The following STK31 variants were observed in gnomAD, a reference collection of about 807,000 sequenced individuals.
The protein encoded by STK31 is serine/threonine kinase 31, also known as serine/threonine-protein kinase 31.
STK31 carries 89 observed loss-of-function variants against 129.7 expected under a neutral mutation model. That is an observed-to-expected ratio of 0.69 (90% CI 0.58 to 0.82). STK31 has a LOEUF of 0.82. Ranked by LOEUF, STK31 falls within the 40% of genes least tolerant of loss-of-function variation. STK31 has a pLI of 0.00. For missense variants in STK31, 1,187 were observed against 1,176.4 expected, an observed-to-expected ratio of 1.01 and a Z score of -0.13; for synonymous variants, 448 against 395.3, an observed-to-expected ratio of 1.13 and a Z score of -1.58.
intron 22 of STK31, among the ~76,000 whole-genome samples, chr7:23,798,962 A>T (rs1792191741): frequency 6.6e-6 from 1 of 152,210 alleles, no homozygotes; most frequent in Admixed American, 6.5e-5. Flanking sequence ...ACAGACAAAG[A>T]GCCAAATCAT....
chr7:23,765,706 C>G (rs1789781437), intron 11 of STK31, among the ~76,000 whole-genome samples: 2 of 151,816 alleles, frequency 1.3e-5, no homozygotes, highest in African/African-American at 4.8e-5. Flanking sequence ...ACAGGCAGGC[C>G]TGGCTAATTT....
rs1432639020 is a variant in STK31 at position 23,814,161 on chromosome 7, T to TTTTTTTTTTTTTTTTTTG, written c.2761-980_2761-979insTTTTTTTTTTTTTTGTTT. Reference sequence around the variant, plus strand: ...ATCTGGCTCACTTATTTTTTTTTTTTTTTCAGTTGGGAGGGTTATAAGACA... The same window carrying TTTTTTTTTTTTTTTTTTG: ...ATCTGGCTCACTTATTTTTTTTTTTTTTTTTTTTTTTTTTTTTGTTTCAGTTGGGAGGGTTATAAGACA... On this transcript the variant is annotated intron_variant, in intron 22 of 23. Transcript: ENST00000355870. Among the ~76,000 whole-genome samples the TTTTTTTTTTTTTTTTTTG allele has an allele frequency of 2.0e-5, 3 of 147,942 alleles. 1 individual carries two copies. The highest frequency in any genetic ancestry group is 6.8e-5 in the Admixed American group (1 of 14,620).
chr7:23,806,572 C>T (rs754134338), intron 22 of STK31, among the ~76,000 whole-genome samples: 4 of 152,118 alleles, frequency 2.6e-5, no homozygotes, highest in Admixed American at 1.3e-4. Context: ...GGGAATAGAA[C>T]TCATTATTGT....
chr7:23,785,398 T>C, intron 17 of STK31, 80 bp from the exon 18 acceptor site: 1 of 1,555,402 alleles, frequency 6.4e-7, no homozygotes, highest in Non-Finnish European at 8.8e-7. Flanking sequence ...TCATTTAATA[T>C]CGTGTAACTA....
chr7:23,769,119 G>A lies in STK31; in HGVS notation c.1541G>A (p.Ser514Asn). 6.2e-7 allele frequency: 1 copy of A among 1,612,838 alleles called. No individual in the cohort carries two copies. Among genetic ancestry groups the A allele is most frequent in the Non-Finnish European group, 8.5e-7 (1 of 1,179,304 alleles). ...DKREEFTSVR[S>N]ETDASLHRLV... Reference sequence around the variant, plus strand: ...AGAGAGGAGTTCACCAGTGTTAGAAGTGAAACAGACGCTTCTCTGCACCGT... The same window carrying A: ...AGAGAGGAGTTCACCAGTGTTAGAAATGAAACAGACGCTTCTCTGCACCGT... Residue 514 changes from serine (S) to asparagine (N), a missense_variant, in exon 12 of 24, where the codon AGT becomes AAT. Transcript: ENST00000355870.
Position 23,818,592 on chromosome 7 carries a change from T to A in STK31, c.2829+3380T>A, listed in dbSNP as rs975921727. On this transcript the variant is annotated intron_variant, in intron 23 of 23. Coordinates refer to ENST00000355870, the MANE Select transcript of STK31 (RefSeq NM_031414.5). ...GCTTTTTAATACTTATAGGGCTAGT[T>A]CCTTCTTCACTGCTTTTTTGTTTTG... Among the ~76,000 whole-genome samples the A allele has an allele frequency of 1.0e-4, 15 of 147,560 alleles. 1 individual carries two copies. Among genetic ancestry groups the A allele is most frequent in the African/African-American group, 3.9e-4 (15 of 38,220 alleles).
intron 22 of STK31, among the ~76,000 whole-genome samples, chr7:23,810,171 A>G (rs138732159): frequency 9.9e-5 from 15 of 151,734 alleles, no homozygotes; most frequent in African/African-American, 3.4e-4. Flanking sequence ...TTCTGTAGTA[A>G]TTTTCTTTGC....
intron 8 of STK31, among the ~76,000 whole-genome samples, chr7:23,745,803 T>A (rs895490108): frequency 4.6e-5 from 7 of 152,170 alleles, no homozygotes; most frequent in African/African-American, 1.7e-4. Flanking sequence ...TGGGGTAGCC[T>A]TTCCTCTGGG....
intron 23 of STK31, among the ~76,000 whole-genome samples, chr7:23,831,341 C>G (rs1005438484): frequency 6.6e-6 from 1 of 151,786 alleles, no homozygotes. Context: ...TGAATTGATC[C>G]CTTTATTATT....
intron 22 of STK31, among the ~76,000 whole-genome samples, chr7:23,794,249 G>A (rs1329488464): frequency 2.0e-5 from 3 of 152,128 alleles, no homozygotes; most frequent in South Asian, 2.1e-4. Context: ...TGCAGTTCTT[G>A]TGGAAGTAAG....
chr7:23,738,876 T>C (rs1787882955), intron 8 of STK31, among the ~76,000 whole-genome samples: 3 of 152,194 alleles, frequency 2.0e-5, no homozygotes, highest in East Asian at 1.9e-4. Context: ...CAGTCTATCA[T>C]TGATGGGCAT....
Position 23,737,064 on chromosome 7 carries a change from G to A in STK31, c.1003G>A (p.Ala335Thr). The A allele has an allele frequency of 6.2e-6, 10 of 1,606,604 alleles. No individual in the cohort carries two copies. Among genetic ancestry groups the A allele is most frequent in the Non-Finnish European group, 8.5e-6 (10 of 1,178,774 alleles). ...GTTAGAATTGAAAGTAGAGCAGATTGCCCAGGAGCTGCAGGTATGTTCAGT... is the reference window on the plus strand; with the variant it reads ...GTTAGAATTGAAAGTAGAGCAGATTACCCAGGAGCTGCAGGTATGTTCAGT... ...KALELKVEQI[A>T]QELQQEKAAA... Residue 335 changes from alanine (A) to threonine (T), a missense_variant, in exon 8 of 24, where the codon GCC (alanine) becomes ACC (threonine). Ala to Thr is a moderately conservative substitution (Grantham distance 58). Coordinates refer to ENST00000355870, the MANE Select transcript of STK31 (RefSeq NM_031414.5).
rs113965006 is a variant in STK31, at chr7:23,710,861, C to T, written c.50+526C>T. 7.8e-5 allele frequency: 72 copies of T among 920,720 alleles called. No homozygotes were observed. The African/African-American group carries it at 1.1e-3, about 15-fold the overall frequency. 57.0% of individuals were successfully genotyped at this position (920,720 alleles called of 1,614,324 possible). ...ATTTCCAAAGTAATTTTAACTTTTA[C>T]TGAATTTAAGCCTTAATGCTTTCCG... On this transcript the variant is annotated intron_variant, in intron 1 of 23. Transcript: ENST00000355870.
At chr7:23,784,495 T>C (rs1363184725) in intron 17 of STK31, among the ~76,000 whole-genome samples, 1 of 152,206 alleles carries the variant, frequency 6.6e-6, no homozygotes, top group Non-Finnish European at 1.5e-5. Context: ...AAGTATGTAC[T>C]GCCACATGGG....
At chr7:23,779,033 C>T (rs1790739624) in intron 15 of STK31, among the ~76,000 whole-genome samples, 1 of 152,066 alleles carries the variant, frequency 6.6e-6, no homozygotes, top group African/African-American at 2.4e-5. Flanking sequence ...TGTGGACGTC[C>T]TTTTTGTTTA....
chr7:23,718,971 A>G (rs1786519517), intron 4 of STK31, among the ~76,000 whole-genome samples: 1 of 152,056 alleles, frequency 6.6e-6, no homozygotes, highest in South Asian at 2.1e-4. Context: ...GCAATTTATG[A>G]GAGTTATAGT....
chr7:23,791,379 G>A, intron 22 of STK31: 1 of 803,708 alleles, frequency 1.2e-6, no homozygotes. Flanking sequence ...GGATCAGAAA[G>A]CCAAATACTG....
intron 10 of STK31, among the ~76,000 whole-genome samples, chr7:23,755,797 G>A (rs978301852): frequency 1.3e-5 from 2 of 152,154 alleles, no homozygotes; most frequent in African/African-American, 4.8e-5. Context: ...TCGAAGATCA[G>A]ATGGTTTTAG....
At chr7:23,813,724 T>A (rs1258719295) in intron 22 of STK31, among the ~76,000 whole-genome samples, 5 of 152,164 alleles carry the variant, frequency 3.3e-5, no homozygotes, top group African/African-American at 1.2e-4. Context: ...TGCTTCTAAG[T>A]ATGGGAATGG....
Sources: allele counts gnomAD v4.1 joint callset (sites outside exome capture counted in the v4.1 genomes callset), GRCh38; gene constraint gnomAD v4.1.1; transcripts MANE v1.5; gene names NCBI Gene and HGNC (gene_info 2026-07-23, HGNC 2026-07-21).